NDUFA13: variants seen among roughly 807,000 people sequenced by gnomAD.
NDUFA13 encodes the protein NADH dehydrogenase [ubiquinone] 1 alpha subcomplex subunit 13.
NDUFA13 carries 16 observed loss-of-function variants against 17.0 expected under a neutral mutation model. The ratio of observed to expected loss-of-function variants is 0.94; its 90% CI spans 0.64 to 1.43. The LOEUF is 1.43. Ranked by LOEUF, NDUFA13 falls within the 40% of genes most tolerant of loss-of-function variation. The probability of loss-of-function intolerance (pLI) is 0.00; values close to 1 mark genes in which losing one functional copy is unlikely to be tolerated. For missense variants in NDUFA13, 228 were observed against 206.7 expected (o/e 1.10, Z -0.63); for synonymous variants, 87 against 78.4 (o/e 1.11, Z -0.58).
chr19:19,523,699 G>A (rs2144642464), intron 1 of NDUFA13, among the ~76,000 whole-genome samples: 1 of 152,318 alleles, frequency 6.6e-6, no homozygotes, highest in Admixed American at 6.5e-5. Context: ...GGCCGAGGAA[G>A]ATGGATTTAC....
rs566386690 is a variant in NDUFA13, at chr19:19,518,729, A to AT, written c.94+2426dup. On this transcript the variant is annotated intron_variant, in intron 1 of 4. Transcript: ENST00000507754. ...CAGGTGGGCGCCACCATGCCCTGCGATTTTTTTTTTTTTTTTTTTTTTTTT... is the reference window on the plus strand; with the variant it reads ...CAGGTGGGCGCCACCATGCCCTGCGATTTTTTTTTTTTTTTTTTTTTTTTTT... 8.8e-3 allele frequency among the ~76,000 whole-genome samples: 300 copies of AT among 34,124 alleles called. 43 individuals carry two copies. The highest frequency in any genetic ancestry group is 0.014 in the African/African-American group (149 of 11,000). The allele number at this position is 34,124 out of a possible 152,430, so 22.4% of individuals were successfully genotyped here. A position where few individuals can be genotyped will look rare whatever the true frequency, so the allele number is the denominator to read the frequency against.
chr19:19,526,228 C>G lies in NDUFA13; in HGVS notation c.141C>G (p.His47Gln). Residue 47 changes from histidine to glutamine, a missense_variant, in exon 2 of 5, where the codon CAC (histidine) becomes CAG (glutamine). His to Gln is a conservative substitution (Grantham distance 24). Transcript: ENST00000507754. ...GGATTGGAACCCTGATCTACGGGCA[C>G]TGGAGCATAATGAAGTGGAACCGTG... ...AIGIGTLIYG[H>Q]WSIMKWNRER... The G allele has an allele frequency of 1.9e-6, 3 of 1,614,164 alleles. No individual in the cohort carries two copies. The highest frequency in any genetic ancestry group is 1.3e-5 in the African/African-American group (1 of 75,060).
Position 19,528,021 on chromosome 19 carries a change from G to T in NDUFA13, c.330G>T (p.Val110=). ...TGTCCCCACAGGTGGGGGAGTCTGT[G>T]TTCCACACAACCCGCTGGGTGCCCC... ...DVPDWKVGES[V]FHTTRWVPPL... The change falls in exon 5 of 5, where the codon GTG becomes GTT. Residue 110 remains valine (V), a synonymous_variant. Coordinates refer to ENST00000507754, the MANE Select transcript of NDUFA13 (RefSeq NM_015965.7). The T allele has an allele frequency of 6.2e-7, 1 of 1,612,784 alleles. No homozygotes were observed. Among genetic ancestry groups the T allele is most frequent in the Non-Finnish European group, 8.5e-7 (1 of 1,179,964 alleles).
chr19:19,518,056 G>A (rs2061058351), intron 1 of NDUFA13, among the ~76,000 whole-genome samples: 1 of 150,844 alleles, frequency 6.6e-6, no homozygotes, highest in Admixed American at 6.6e-5. Flanking sequence ...GCGGGAGGAT[G>A]GCTTGAGCCC....
chr19:19,524,770 C>A (rs1469520811), intron 1 of NDUFA13, among the ~76,000 whole-genome samples: 1 of 152,082 alleles, frequency 6.6e-6, no homozygotes, highest in African/African-American at 2.4e-5. Context: ...CTTGCCACTG[C>A]ACCCCAGCCA....
At position 19,519,039 on chromosome 19, in the gene NDUFA13, C is replaced by T. The variant is rs535695106; in HGVS notation, c.94+2707C>T. 1.7e-4 allele frequency among the ~76,000 whole-genome samples: 20 copies of T among 119,032 alleles called. No homozygotes were observed. In the East Asian group the frequency reaches 2.5e-3, roughly 15 times the overall value. 78.1% of individuals were successfully genotyped at this position (119,032 alleles called of 152,430 possible). On this transcript the variant is annotated intron_variant, in intron 1 of 4. Transcript: ENST00000507754. ...GATTACAGGTGTGAGCCACTGGGCC[C>T]GGCCTATTTTTTTTTTTTTTTTTGT...
intron 1 of NDUFA13, among the ~76,000 whole-genome samples, chr19:19,518,570 G>GT (rs71170692): frequency 0.17 from 20,430 of 120,246 alleles, 1,543 homozygotes; most frequent in South Asian, 0.31. Flanking sequence ...TTGTGTGTGT[G>GT]TTTTTTTTTT....
chr19:19,518,758 T>TTTTTTTTTTTTTTG (rs2061062440), intron 1 of NDUFA13, among the ~76,000 whole-genome samples: 1 of 126,982 alleles, frequency 7.9e-6, no homozygotes, highest in Non-Finnish European at 1.6e-5. Context: ...TTTTTTTTTT[T>TTTTTTTTTTTTTTG]GAGATGGAGT....
At chr19:19,527,460 C>A (rs2061107506) in intron 3 of NDUFA13, 108 bp downstream of exon 3, 1 of 1,354,210 alleles carries the variant, frequency 7.4e-7, no homozygotes, top group Admixed American at 1.8e-5. Context: ...GGGGCCATCG[C>A]CCTGTGCCGT....
intron 1 of NDUFA13, among the ~76,000 whole-genome samples, chr19:19,517,262 C>T (rs1263309633): frequency 6.8e-6 from 1 of 147,168 alleles, no homozygotes; most frequent in African/African-American, 2.6e-5. Context: ...TTTTTTAAGA[C>T]GGTATGGTTC....
At chr19:19,522,476 C>G (rs536486169) in intron 1 of NDUFA13, among the ~76,000 whole-genome samples, 1 of 91,572 alleles carries the variant, frequency 1.1e-5, no homozygotes, top group East Asian at 2.6e-4. Flanking sequence ...GGTCTTTGAT[C>G]CTTTTTTTTT....
intron 1 of NDUFA13, among the ~76,000 whole-genome samples, chr19:19,519,558 C>A (rs980669790): frequency 6.6e-6 from 1 of 152,158 alleles, no homozygotes; most frequent in Non-Finnish European, 1.5e-5. Flanking sequence ...TTGTTTATGG[C>A]CCTGCTTTCA....
At chr19:19,526,057 G>T in intron 1 of NDUFA13, 125 bp from the exon 2 acceptor site, 1 of 1,533,880 alleles carries the variant, frequency 6.5e-7, no homozygotes, top group Non-Finnish European at 8.7e-7. Context: ...AGGTGTCACA[G>T]TCCAAGCAGC....
chr19:19,521,672 T>G (rs2061078573), intron 1 of NDUFA13, among the ~76,000 whole-genome samples: 1 of 55,902 alleles, frequency 1.8e-5, no homozygotes, highest in Non-Finnish European at 3.2e-5. Context: ...GCACGATCTC[T>G]GCTCACTGCA....
chr19:19,527,628 C>T (rs1188173764), intron 3 of NDUFA13, 73 bp from the exon 4 acceptor site: 2 of 1,227,962 alleles, frequency 1.6e-6, no homozygotes, highest in Non-Finnish European at 1.2e-6. Flanking sequence ...TGAAGGGGTG[C>T]TACTAGGGGC....
intron 1 of NDUFA13, among the ~76,000 whole-genome samples, chr19:19,521,233 G>T (rs1351597563): frequency 1.3e-5 from 2 of 151,954 alleles, no homozygotes; most frequent in Non-Finnish European, 2.9e-5. Flanking sequence ...CACCATCCTA[G>T]CGCATGTGAA....
intron 1 of NDUFA13, among the ~76,000 whole-genome samples, chr19:19,517,038 C>T (rs2061052705): frequency 6.6e-6 from 1 of 152,150 alleles, no homozygotes; most frequent in Non-Finnish European, 1.5e-5. Context: ...CCGCCCACCT[C>T]GGCCTCCCAA....
chr19:19,516,404 A>G (rs1054196771), intron 1 of NDUFA13, 72 bp downstream of exon 1: 29 of 1,530,274 alleles, frequency 1.9e-5, no homozygotes, highest in Non-Finnish European at 2.1e-5. Flanking sequence ...CCGGGGACAC[A>G]GGCGGGCCTC....
intron 1 of NDUFA13, among the ~76,000 whole-genome samples, chr19:19,517,379 T>G (rs2061054697): frequency 6.6e-6 from 1 of 151,562 alleles, no homozygotes; most frequent in South Asian, 2.1e-4. Flanking sequence ...TGCGCCCAGC[T>G]TTCTGTATTT....
Sources: gnomAD v4.1 joint callset for allele counts (sites outside exome capture counted in the v4.1 genomes callset) on GRCh38, gnomAD v4.1.1 for gene constraint, MANE v1.5 for transcripts, NCBI Gene and HGNC (gene_info 2026-07-23, HGNC 2026-07-21) for gene names.